Variants in PALM2AKAP2 observed in about 807,000 individuals in gnomAD.
PALM2AKAP2 encodes PALM2-AKAP2 fusion protein.
PALM2AKAP2 carries 37 observed loss-of-function variants against 71.5 expected under a neutral mutation model. The observed-to-expected ratio is 0.52, with a 90% CI of 0.40 to 0.68. The LOEUF (loss-of-function observed/expected upper bound fraction) is 0.68. Among genes scored for constraint, PALM2AKAP2 ranks in the 30% least tolerant of loss-of-function variants. The probability of loss-of-function intolerance (pLI) is 0.00; values close to 1 mark genes in which losing one functional copy is unlikely to be tolerated. For synonymous variants in PALM2AKAP2, 468 were observed against 478.8 expected, an observed-to-expected ratio of 0.98 and a Z score of 0.29; for missense variants, 1,224 against 1,191.8, an observed-to-expected ratio of 1.03 and a Z score of -0.40.
Position 109,722,321 on chromosome 9 carries a change from A to G in PALM2AKAP2, c.6-58167A>G, listed in dbSNP as rs997801639. On this transcript the variant is annotated intron_variant, in intron 1 of 6. Transcript: ENST00000374531. ...ACATGCATATCCAATTTCTTGTAAT[A>G]TGCACTTAATATCCCTGGAAGCATA... is the stretch of plus-strand genomic sequence containing the variant. Among the ~76,000 whole-genome samples the G allele has an allele frequency of 2.6e-5, 4 of 152,246 alleles. No homozygotes were observed. The East Asian group carries it at 7.7e-4, about 29-fold the overall frequency.
At chr9:109,802,232 A>G (rs769266616) in intron 1 of PALM2AKAP2, among the ~76,000 whole-genome samples, 4 of 152,206 alleles carry the variant, frequency 2.6e-5, no homozygotes, top group Non-Finnish European at 5.9e-5. Context: ...TATAACTAAC[A>G]TGATATTGGG....
At chr9:109,962,581 A>T (rs899869283) in intron 6 of PALM2AKAP2, among the ~76,000 whole-genome samples, 80 of 152,102 alleles carry the variant, frequency 5.3e-4, no homozygotes, top group African/African-American at 1.8e-3. Flanking sequence ...TCAAAATCTC[A>T]TTCCTATTCC....
intron 6 of PALM2AKAP2, among the ~76,000 whole-genome samples, chr9:109,985,811 G>A (rs1419355382): frequency 2.0e-5 from 3 of 151,872 alleles, no homozygotes; most frequent in Admixed American, 1.3e-4. Context: ...CACCATGCCC[G>A]GCTAATTTTT....
In PALM2AKAP2 at chr9:109,853,025, G is replaced by T. The variant is rs1246542304; in HGVS notation, c.46-14466G>T. On this transcript the variant is annotated intron_variant, in intron 1 of 9. Transcript: ENST00000302798. ...TCCTTTTGCTGTGCAAAAGCCCTTT[G>T]GTTTAATTAGGTCCCAGTTGCCAGA... Among the ~76,000 whole-genome samples, 3 of 152,062 alleles carry T rather than the reference G, an allele frequency of 2.0e-5. No individual in the cohort carries two copies. The South Asian group carries it at 6.2e-4, about 32-fold the overall frequency.
intron 1 of PALM2AKAP2, among the ~76,000 whole-genome samples, chr9:110,116,488 CA>C (rs959228823): frequency 7.3e-5 from 11 of 150,660 alleles, no homozygotes; most frequent in South Asian, 2.1e-4. Flanking sequence ...TTAAATGGAA[CA>C]AAAAAAAATG....
At chr9:109,954,071 T>C (rs1440193325) in intron 6 of PALM2AKAP2, among the ~76,000 whole-genome samples, 1 of 152,172 alleles carries the variant, frequency 6.6e-6, no homozygotes, top group Non-Finnish European at 1.5e-5. Context: ...AAAATCACTT[T>C]GTTTTCTTAT....
intron 1 of PALM2AKAP2, among the ~76,000 whole-genome samples, chr9:109,791,032 C>A (rs2118869199): frequency 6.6e-6 from 1 of 152,220 alleles, no homozygotes; most frequent in African/African-American, 2.4e-5. Flanking sequence ...TAAAACTCAC[C>A]ACAAAACCCG....
At chr9:109,987,279 C>A (rs553585814) in intron 6 of PALM2AKAP2, among the ~76,000 whole-genome samples, 1 of 151,950 alleles carries the variant, frequency 6.6e-6, no homozygotes, top group African/African-American at 2.4e-5. Flanking sequence ...TACAGGTGTG[C>A]GCCACCACAC....
intron 7 of PALM2AKAP2, chr9:110,025,250 C>G: frequency 8.7e-7 from 1 of 1,143,662 alleles, no homozygotes; most frequent in Non-Finnish European, 1.3e-6. Flanking sequence ...ACAATATCAC[C>G]TTTCTTATAG....
intron 1 of PALM2AKAP2, among the ~76,000 whole-genome samples, chr9:109,653,591 C>A (rs1827255316): frequency 6.6e-6 from 1 of 152,122 alleles, no homozygotes; most frequent in Non-Finnish European, 1.5e-5. Flanking sequence ...TTTCCCACTG[C>A]AATGTGCATA....
At chr9:109,878,326 G>A (rs911268098) in intron 2 of PALM2AKAP2, among the ~76,000 whole-genome samples, 4 of 152,180 alleles carry the variant, frequency 2.6e-5, no homozygotes, top group Non-Finnish European at 4.4e-5. Context: ...ATGCATAGCT[G>A]TTTACGCATA....
intron 1 of PALM2AKAP2, among the ~76,000 whole-genome samples, chr9:109,721,885 C>G (rs530042246): frequency 1.3e-5 from 2 of 152,158 alleles, no homozygotes; most frequent in Non-Finnish European, 2.9e-5. Flanking sequence ...TCTGTCATAC[C>G]TAAATAATTA....
chr9:110,092,295 G>A (rs188325623), intron 1 of PALM2AKAP2, among the ~76,000 whole-genome samples: 72 of 152,178 alleles, frequency 4.7e-4, no homozygotes, highest in East Asian at 2.9e-3. Flanking sequence ...TTGTGCCACC[G>A]CATTCCAGTC....
chr9:109,645,248 A>C (rs1827133521), intron 1 of PALM2AKAP2, among the ~76,000 whole-genome samples: 1 of 152,206 alleles, frequency 6.6e-6, no homozygotes, highest in East Asian at 1.9e-4. Context: ...GCAGCAGGCA[A>C]AAAGAAAGCT....
chr9:109,673,111 T>A (rs1827600160), intron 1 of PALM2AKAP2, among the ~76,000 whole-genome samples: 1 of 152,152 alleles, frequency 6.6e-6, no homozygotes, highest in Admixed American at 6.5e-5. Context: ...TCTCTTTCAG[T>A]TCAGCTCTGA....
intron 1 of PALM2AKAP2, among the ~76,000 whole-genome samples, chr9:110,108,311 C>T (rs1835165793): frequency 1.3e-5 from 2 of 151,954 alleles, no homozygotes; most frequent in South Asian, 4.1e-4. Context: ...CAGGTTTTCA[C>T]CATGTTGGCC....
At chr9:109,813,399 T>C (rs538513669) in intron 1 of PALM2AKAP2, among the ~76,000 whole-genome samples, 1 of 143,654 alleles carries the variant, frequency 7.0e-6, no homozygotes, top group Admixed American at 6.9e-5. Flanking sequence ...TAAACTCCAG[T>C]TGCCAACAAT....
At chr9:110,108,577 G>A (rs980502068) in intron 1 of PALM2AKAP2, among the ~76,000 whole-genome samples, 5 of 152,104 alleles carry the variant, frequency 3.3e-5, no homozygotes, top group African/African-American at 1.2e-4. Context: ...CTACAGGGGT[G>A]CAATCCATTT....
chr9:109,747,432 G>T (rs77395994), intron 1 of PALM2AKAP2, among the ~76,000 whole-genome samples: 19,998 of 152,022 alleles, frequency 0.13, 1,484 homozygotes, highest in Admixed American at 0.19. Context: ...ACGTTCTTGG[G>T]GTTCCTGTCT....
Sources: allele counts gnomAD v4.1 joint callset (sites outside exome capture counted in the v4.1 genomes callset), GRCh38; gene constraint gnomAD v4.1.1; transcripts MANE v1.5; gene names NCBI Gene and HGNC (gene_info 2026-07-23, HGNC 2026-07-21).